Variants in N4BP1 observed in about 807,000 individuals in gnomAD.
N4BP1 encodes NEDD4 binding protein 1, also known as NEDD4-binding protein 1.
A neutral mutation model predicts 70.9 loss-of-function variants in N4BP1; 21 were observed. The ratio of observed to expected loss-of-function variants is 0.30; its 90% confidence interval spans 0.21 to 0.43. The LOEUF (loss-of-function observed/expected upper bound fraction) is 0.43, where lower values mean the gene tolerates loss of function less well. Ranked by LOEUF, N4BP1 falls within the 20% of genes least tolerant of loss-of-function variation. N4BP1 has a pLI of 1.00. For missense variants in N4BP1, 936 were observed against 1,069.4 expected (o/e 0.88, Z 1.74); for synonymous variants, 387 against 394.6 (o/e 0.98, Z 0.23).
At chr16:48,608,515 GA>G (rs1202639769) in intron 1 of N4BP1, among the ~76,000 whole-genome samples, 2 of 152,180 alleles carry the variant, frequency 1.3e-5, no homozygotes, top group East Asian at 3.8e-4. Context: ...CTCATCATAT[GA>G]GAGGCAAGTA....
Position 48,540,331 on chromosome 16 carries a change from C to G in N4BP1, c.*2573G>C, listed in dbSNP as rs1963477367. 8.0e-6 allele frequency: 1 copy of G among 124,278 alleles called. No individual in the cohort carries two copies. Among genetic ancestry groups the G allele is most frequent in the Non-Finnish European group, 1.8e-5 (1 of 55,198 alleles). 7.7% of individuals were successfully genotyped at this position (124,278 alleles called of 1,614,324 possible). ...TAGATCTGAGTCCTCCCTCACATCC[C>G]AGCCGTGCCACAAGCCGCATCGGCA... On this transcript the variant is annotated 3_prime_UTR_variant, in exon 7 of 7. Transcript: ENST00000262384.
intron 1 of N4BP1, among the ~76,000 whole-genome samples, chr16:48,572,428 GA>G (rs1369611166): frequency 6.6e-6 from 1 of 152,142 alleles, no homozygotes; most frequent in East Asian, 1.9e-4. Flanking sequence ...GATGATGGGG[GA>G]GGGGGGACAG....
intron 2 of N4BP1, among the ~76,000 whole-genome samples, chr16:48,554,638 G>GGTCA (rs1298247435): frequency 6.6e-6 from 1 of 152,176 alleles, no homozygotes; most frequent in Non-Finnish European, 1.5e-5. Context: ...TATGTTCACT[G>GGTCA]CTTCAATGGT....
chr16:48,607,151 C>T (rs1036992052), intron 1 of N4BP1, among the ~76,000 whole-genome samples: 4 of 152,114 alleles, frequency 2.6e-5, no homozygotes, highest in African/African-American at 9.7e-5. Context: ...AGCAGGAGCA[C>T]ATACTAGCAA....
intron 1 of N4BP1, among the ~76,000 whole-genome samples, chr16:48,606,082 T>C (rs1217783536): frequency 6.6e-6 from 1 of 152,200 alleles, no homozygotes; most frequent in Non-Finnish European, 1.5e-5. Context: ...GCAACGTGAT[T>C]CTTGAGGTCA....
At chr16:48,601,869 G>A (rs1016301379) in intron 1 of N4BP1, among the ~76,000 whole-genome samples, 2 of 152,058 alleles carry the variant, frequency 1.3e-5, no homozygotes, top group Non-Finnish European at 2.9e-5. Context: ...ATGCCACCAC[G>A]CCCAGCTAAA....
At chr16:48,576,476 G>A (rs1232123714) in intron 1 of N4BP1, among the ~76,000 whole-genome samples, 1 of 152,144 alleles carries the variant, frequency 6.6e-6, no homozygotes, top group Non-Finnish European at 1.5e-5. Flanking sequence ...TACTCTAGAC[G>A]CTATCCCTAC....
At chr16:48,552,960 C>CT (rs1433950009) in intron 3 of N4BP1, among the ~76,000 whole-genome samples, 2 of 152,082 alleles carry the variant, frequency 1.3e-5, no homozygotes, top group Non-Finnish European at 2.9e-5. Context: ...CCACAATCTA[C>CT]TTTATTTTTC....
intron 4 of N4BP1, among the ~76,000 whole-genome samples, chr16:48,551,134 C>T (rs576724364): frequency 6.6e-6 from 1 of 152,332 alleles, no homozygotes; most frequent in African/African-American, 2.4e-5. Context: ...TTAGCACCTA[C>T]CAACCAGACT....
chr16:48,599,997 A>G (rs1964472576), intron 1 of N4BP1, among the ~76,000 whole-genome samples: 1 of 152,218 alleles, frequency 6.6e-6, no homozygotes, highest in South Asian at 2.1e-4. Context: ...TCATTACCTA[A>G]TAGAGATACA....
chr16:48,574,241 C>T (rs1450644775), intron 1 of N4BP1, among the ~76,000 whole-genome samples: 1 of 152,176 alleles, frequency 6.6e-6, no homozygotes, highest in African/African-American at 2.4e-5. Context: ...TTCCCACCTT[C>T]TACTTTTAAT....
intron 1 of N4BP1, among the ~76,000 whole-genome samples, chr16:48,586,116 A>AAT (rs1396364988): frequency 1.3e-5 from 2 of 152,204 alleles, no homozygotes; most frequent in Non-Finnish European, 2.9e-5. Context: ...TACTCTTTAG[A>AAT]ATATGTGATT....
At chr16:48,607,542 A>G (rs2151104930) in intron 1 of N4BP1, among the ~76,000 whole-genome samples, 1 of 152,298 alleles carries the variant, frequency 6.6e-6, no homozygotes, top group Non-Finnish European at 1.5e-5. Context: ...CTCTAACACA[A>G]GTTGAACCAG....
intron 2 of N4BP1, among the ~76,000 whole-genome samples, chr16:48,556,923 C>T (rs1963762393): frequency 6.6e-6 from 1 of 152,236 alleles, no homozygotes; most frequent in East Asian, 1.9e-4. Flanking sequence ...CAGGGGCTCT[C>T]ATGCTGAAGT....
At chr16:48,557,172 G>A in intron 2 of N4BP1, among the ~76,000 whole-genome samples, 1 of 152,158 alleles carries the variant, frequency 6.6e-6, no homozygotes, top group East Asian at 1.9e-4. Context: ...ACATCGAAGG[G>A]TGGGCCTAGG....
chr16:48,575,979 A>G (rs1473296067), intron 1 of N4BP1, among the ~76,000 whole-genome samples: 1 of 152,130 alleles, frequency 6.6e-6, no homozygotes. Flanking sequence ...TTAAGGAGGG[A>G]TTTCTAAAAT....
chr16:48,542,770 A>AT lies in N4BP1; in HGVS notation c.*133dup, dbSNP rs1047899553. 7.1e-5 allele frequency: 56 copies of AT among 790,688 alleles called. No individual in the cohort carries two copies. The highest frequency in any genetic ancestry group is 8.9e-5 in the South Asian group (3 of 33,882). 49.0% of individuals were successfully genotyped at this position (790,688 alleles called of 1,614,324 possible). On this transcript the variant is annotated 3_prime_UTR_variant, in exon 7 of 7. Transcript: ENST00000262384. ...GAAAACCCAGATTTATACCCAAAAC[A>AT]TTTTTTTTCTGTACAACTGCGTTTA...
At chr16:48,573,240 G>C (rs1204292740) in intron 1 of N4BP1, among the ~76,000 whole-genome samples, 2 of 152,128 alleles carry the variant, frequency 1.3e-5, no homozygotes, top group Admixed American at 6.5e-5. Context: ...GGAAAAACTG[G>C]GATAGTTTTT....
At chr16:48,558,218 T>TA (rs1963785585) in intron 2 of N4BP1, among the ~76,000 whole-genome samples, 1 of 144,148 alleles carries the variant, frequency 6.9e-6, no homozygotes, top group African/African-American at 2.6e-5. Flanking sequence ...CATTCTCTTG[T>TA]AAAAGTATTG....
Sources: allele counts gnomAD v4.1 joint callset (sites outside exome capture counted in the v4.1 genomes callset), GRCh38; gene constraint gnomAD v4.1.1; transcripts MANE v1.5; gene names NCBI Gene and HGNC (gene_info 2026-07-23, HGNC 2026-07-21).